Variants in LACTB2 observed in about 807,000 individuals in gnomAD.
The protein encoded by LACTB2 is lactamase beta 2.
In LACTB2, 32 loss-of-function variants were observed where a neutral mutation model predicts 34.8. The observed-to-expected ratio is 0.92, with a 90% CI of 0.69 to 1.24. LACTB2 has a LOEUF of 1.24. LACTB2 is among the 50% of genes most tolerant of loss of function. The pLI is 0.00. For missense variants in LACTB2, 320 were observed against 345.0 expected, an observed-to-expected ratio of 0.93 and a Z score of 0.57; for synonymous variants, 120 against 117.5, an observed-to-expected ratio of 1.02 and a Z score of -0.14.
At chr8:70,665,667 C>T (rs374266103) in intron 1 of LACTB2, among the ~76,000 whole-genome samples, 2 of 152,336 alleles carry the variant, frequency 1.3e-5, no homozygotes, top group African/African-American at 4.8e-5. Flanking sequence ...AGGTACTACA[C>T]AACCTTCATT....
intron 4 of LACTB2, among the ~76,000 whole-genome samples, chr8:70,641,330 A>C (rs1454398620): frequency 6.6e-6 from 1 of 152,220 alleles, no homozygotes; most frequent in East Asian, 1.9e-4. Context: ...CAGCAATAAA[A>C]ATAGCAACTA....
chr8:70,648,584 ATAAAGT>A (rs531740352), intron 3 of LACTB2, among the ~76,000 whole-genome samples: 24 of 152,302 alleles, frequency 1.6e-4, no homozygotes, highest in African/African-American at 5.3e-4. Flanking sequence ...AGAGAAAAAA[ATAAAGT>A]TAGAGTAGTA....
chr8:70,637,870 G>A lies in LACTB2; in HGVS notation c.857C>T (p.Ala286Val), dbSNP rs759220163. The change falls in exon 7 of 7, where the codon GCT becomes GTT. Residue 286 changes from alanine (A) to valine (V), a missense_variant. Transcript: ENST00000276590. ...TTCTTTAATCTGAAACTAAAGATGA[G>A]CTTTCCATTTCTTGTCAGGATCTGT... ...SNTDPDKKWKAHL is the reference protein window; with the variant it reads ...SNTDPDKKWKVHL The A allele has an allele frequency of 9.0e-6, 14 of 1,551,710 alleles. No homozygotes were observed. The highest frequency in any genetic ancestry group is 1.4e-5 in the African/African-American group (1 of 72,138).
chr8:70,642,544 C>T (rs566038457), intron 4 of LACTB2, among the ~76,000 whole-genome samples: 9 of 137,628 alleles, frequency 6.5e-5, no homozygotes, highest in African/African-American at 2.6e-4. Flanking sequence ...CACTCTGTTG[C>T]GTGATCTCTG....
intron 2 of LACTB2, among the ~76,000 whole-genome samples, chr8:70,659,774 T>C (rs1818459174): frequency 6.6e-6 from 1 of 152,234 alleles, no homozygotes; most frequent in Non-Finnish European, 1.5e-5. Context: ...GTCTTCAAAA[T>C]TATGTGCAAA....
Position 70,669,180 on chromosome 8 carries a change from C to T in LACTB2, c.-60G>A. The T allele has an allele frequency of 1.9e-6, 3 of 1,588,090 alleles. No homozygotes were observed. The highest frequency in any genetic ancestry group is 2.6e-6 in the Non-Finnish European group (3 of 1,167,094). On this transcript the variant is annotated 5_prime_UTR_variant, in exon 1 of 7. Coordinates refer to ENST00000276590, the MANE Select transcript of LACTB2 (RefSeq NM_016027.3). ...CTGGATACTCCAGCGCGGAAGAAGC[C>T]AACAGGCCGGGGATAGCGAGTAGCG...
Position 70,644,245 on chromosome 8 carries a change from TG to T in LACTB2, c.414-3del. 6.5e-7 allele frequency: 1 copy of T among 1,547,834 alleles called. No homozygotes were observed. Among genetic ancestry groups the T allele is most frequent in the Non-Finnish European group, 8.7e-7 (1 of 1,150,396 alleles). On this transcript the variant is annotated splice_polypyrimidine_tract_variant and splice_region_variant and intron_variant, in intron 3 of 6. Transcript: ENST00000276590. ...GTGTGGCCAGGGGTATATAGAACTCTGGTTGAAAGAAGAAATAAGGAATAAT... is the reference window on the plus strand; with the variant it reads ...GTGTGGCCAGGGGTATATAGAACTCTGTTGAAAGAAGAAATAAGGAATAAT...
At chr8:70,655,825 A>G (rs1336202854) in intron 3 of LACTB2, among the ~76,000 whole-genome samples, 1 of 152,202 alleles carries the variant, frequency 6.6e-6, no homozygotes, top group Non-Finnish European at 1.5e-5. Flanking sequence ...AGCAGTGTAG[A>G]AAGTGTCCCC....
intron 5 of LACTB2, among the ~76,000 whole-genome samples, chr8:70,639,934 C>G (rs181000055): frequency 2.0e-5 from 3 of 151,988 alleles, no homozygotes; most frequent in Admixed American, 1.3e-4. Flanking sequence ...TGCACTCCAG[C>G]CTGGGCAACA....
chr8:70,668,621 AGTGAAAG>A (rs1051880399), intron 1 of LACTB2, among the ~76,000 whole-genome samples: 1 of 152,236 alleles, frequency 6.6e-6, no homozygotes, highest in African/African-American at 2.4e-5. Context: ...GCAAAACACC[AGTGAAAG>A]TCAAGTGAGC....
intron 3 of LACTB2, chr8:70,654,958 T>C (rs547167080): frequency 1.3e-5 from 2 of 152,296 alleles, no homozygotes; most frequent in South Asian, 2.1e-4. Flanking sequence ...AGTGGTGATC[T>C]GTGAGATTTT....
At chr8:70,657,664 C>T in intron 3 of LACTB2, 92 bp downstream of exon 3, 2 of 1,261,028 alleles carry the variant, frequency 1.6e-6, no homozygotes, top group Middle Eastern at 2.0e-4. Flanking sequence ...CTTCCCATCT[C>T]AGCCTCCCAA....
At chr8:70,644,970 GAT>G (rs1183862951) in intron 3 of LACTB2, among the ~76,000 whole-genome samples, 2 of 151,828 alleles carry the variant, frequency 1.3e-5, no homozygotes, top group Non-Finnish European at 2.9e-5. Flanking sequence ...AAACAAAACT[GAT>G]ATTGTTTTAA....
chr8:70,648,474 A>T (rs1563404360), intron 3 of LACTB2, among the ~76,000 whole-genome samples: 3 of 152,202 alleles, frequency 2.0e-5, no homozygotes, highest in Non-Finnish European at 4.4e-5. Flanking sequence ...AAAATTACAA[A>T]TCTGAGAACA....
chr8:70,657,684 A>G, intron 3 of LACTB2, 72 bp downstream of exon 3: 2 of 1,325,004 alleles, frequency 1.5e-6, no homozygotes, highest in Non-Finnish European at 2.0e-6. Flanking sequence ...AAATGCTGGG[A>G]TCCTTCCATC....
At chr8:70,639,180 A>G (rs774150716) in intron 5 of LACTB2, among the ~76,000 whole-genome samples, 3 of 151,148 alleles carry the variant, frequency 2.0e-5, no homozygotes, top group Non-Finnish European at 4.4e-5. Context: ...TTTTTTTGAG[A>G]CAGAGTTTCA....
In LACTB2 at chr8:70,657,906, T is replaced by C. The variant is rs113074811; in HGVS notation, c.287-24A>G. The C allele has an allele frequency of 3.5e-5, 52 of 1,506,352 alleles. No individual in the cohort carries two copies. The African/African-American group carries it at 3.8e-4, about 11-fold the overall frequency. 93.3% of individuals were successfully genotyped at this position (1,506,352 alleles called of 1,614,324 possible). A position where few individuals can be genotyped will look rare whatever the true frequency, so the allele number is the denominator to read the frequency against. ...GTCTAGTCATAAAACATATAAAATA[T>C]ATTAATTCACACTTTATAATTAAGC... On this transcript the variant is annotated intron_variant, in intron 2 of 6. Coordinates refer to ENST00000276590, the MANE Select transcript of LACTB2 (RefSeq NM_016027.3).
At chr8:70,638,737 T>G (rs969900939) in intron 5 of LACTB2, 108 bp from the exon 6 acceptor site, 11 of 934,976 alleles carry the variant, frequency 1.2e-5, no homozygotes, top group East Asian at 3.8e-5. Context: ...AAGTTTATCT[T>G]AAACACATTT....
At chr8:70,648,158 GT>G (rs1391625361) in intron 3 of LACTB2, among the ~76,000 whole-genome samples, 1 of 152,182 alleles carries the variant, frequency 6.6e-6, no homozygotes, top group African/African-American at 2.4e-5. Context: ...TTATCCTACA[GT>G]GAGGCCTAAA....
Sources: gnomAD v4.1 joint callset for allele counts (sites outside exome capture counted in the v4.1 genomes callset) on GRCh38, gnomAD v4.1.1 for gene constraint, MANE v1.5 for transcripts, NCBI Gene and HGNC (gene_info 2026-07-23, HGNC 2026-07-21) for gene names.